Variants in PRKCE observed in about 807,000 individuals in gnomAD.
PRKCE encodes the protein protein kinase C epsilon type.
A neutral mutation model predicts 85.4 loss-of-function variants in PRKCE; 16 were observed. The ratio of observed to expected loss-of-function variants is 0.19; its 90% CI spans 0.13 to 0.28. The LOEUF (loss-of-function observed/expected upper bound fraction) is 0.28, where lower values mean the gene tolerates loss of function less well. PRKCE is among the 10% of genes least tolerant of loss of function. The pLI is 1.00. For missense variants in PRKCE, 573 were observed against 975.2 expected (o/e 0.59, Z 5.49); for synonymous variants, 388 against 371.5 (o/e 1.04, Z -0.51).
chr2:46,087,067 C>G (rs1176834606), intron 11 of PRKCE, among the ~76,000 whole-genome samples: 1 of 152,180 alleles, frequency 6.6e-6, no homozygotes, highest in East Asian at 1.9e-4. Flanking sequence ...CACAAGGATA[C>G]TCAAGTTCCT....
intron 2 of PRKCE, among the ~76,000 whole-genome samples, chr2:45,945,534 G>C (rs1161358053): frequency 1.3e-5 from 2 of 152,164 alleles, no homozygotes; most frequent in Non-Finnish European, 2.9e-5. Context: ...TTCAACATCA[G>C]ATTTGGAGAG....
At chr2:45,857,613 G>A (rs10779933) in intron 2 of PRKCE, among the ~76,000 whole-genome samples, 80,209 of 152,042 alleles carry the variant, frequency 0.53, 22,146 homozygotes, top group East Asian at 0.83. Flanking sequence ...AGGTCTTGCT[G>A]TGTTGCCCAT....
At chr2:45,890,874 G>A (rs887102903) in intron 2 of PRKCE, among the ~76,000 whole-genome samples, 1 of 152,206 alleles carries the variant, frequency 6.6e-6, no homozygotes, top group Non-Finnish European at 1.5e-5. Context: ...TGCAATGGAA[G>A]TGGATTTAGA....
chr2:45,681,982 G>A (rs1269390662), intron 1 of PRKCE, among the ~76,000 whole-genome samples: 2 of 152,094 alleles, frequency 1.3e-5, no homozygotes, highest in African/African-American at 4.8e-5. Flanking sequence ...GGTTCTCCTC[G>A]CCATTCAAAT....
chr2:45,852,056 T>G (rs1424124225), intron 2 of PRKCE: 2 of 152,380 alleles, frequency 1.3e-5, no homozygotes, highest in Admixed American at 6.5e-5. Flanking sequence ...CTGTGGCGTT[T>G]CTGATGGCAG....
At chr2:45,780,328 A>G (rs969682472) in intron 1 of PRKCE, among the ~76,000 whole-genome samples, 1 of 152,152 alleles carries the variant, frequency 6.6e-6, no homozygotes, top group Non-Finnish European at 1.5e-5. Context: ...TTTGTTGAAG[A>G]AACTAGTCAT....
chr2:45,922,203 A>T (rs574597398), intron 2 of PRKCE, among the ~76,000 whole-genome samples: 95 of 152,334 alleles, frequency 6.2e-4, no homozygotes, highest in East Asian at 1.9e-4. Flanking sequence ...GTTTGAGGTT[A>T]TCTCTGACAC....
Position 45,895,306 on chromosome 2 carries a change from C to A in PRKCE, c.412+52243C>A, listed in dbSNP as rs1269153468. 1.3e-5 allele frequency among the ~76,000 whole-genome samples: 2 copies of A among 152,164 alleles called. No homozygotes were observed. The highest frequency in any genetic ancestry group is 2.1e-4 in the South Asian group (1 of 4,822). ...ACACAGCTACGGTAACAGTACCTCT[C>A]CATCCACAGTGACTTATATGGACTT... On this transcript the variant is annotated intron_variant, in intron 2 of 14. Coordinates refer to ENST00000306156, the MANE Select transcript of PRKCE (RefSeq NM_005400.3). The surrounding 1 kb of genome is among the most constrained non-coding windows in gnomAD (Gnocchi z 4.8).
rs11435171 is a variant in PRKCE at position 45,767,039 on chromosome 2, T to TAA, written c.349-75949_349-75948dup. Among the ~76,000 whole-genome samples the TAA allele has an allele frequency of 3.1e-4, 46 of 147,202 alleles. 1 individual carries two copies. In the East Asian group the frequency reaches 6.1e-3, roughly 20 times the overall value. On this transcript the variant is annotated intron_variant, in intron 1 of 14. Coordinates refer to ENST00000306156, the MANE Select transcript of PRKCE (RefSeq NM_005400.3). The stretch of plus-strand genomic sequence containing the variant: ...CTGGGCAACAGAGTGAAACTCAGTC[T>TAA]AAAAAAAAAAAAATAAGTAACTTCC...
intron 2 of PRKCE, among the ~76,000 whole-genome samples, chr2:45,924,585 A>G (rs1016929549): frequency 2.2e-4 from 34 of 152,282 alleles, no homozygotes; most frequent in African/African-American, 8.2e-4. Context: ...CACCAGGAAA[A>G]ATGACAGGAC....
intron 1 of PRKCE, chr2:45,675,441 C>T (rs546673070): frequency 1.3e-5 from 2 of 152,328 alleles, no homozygotes; most frequent in African/African-American, 2.4e-5. Context: ...GTCATTTATA[C>T]ATAAATGCAC....
At chr2:46,018,054 C>T (rs796221903) in intron 10 of PRKCE, among the ~76,000 whole-genome samples, 1 of 152,178 alleles carries the variant, frequency 6.6e-6, no homozygotes, top group Non-Finnish European at 1.5e-5. Flanking sequence ...TTTACATGAA[C>T]TCAATGAGGC....
intron 1 of PRKCE, among the ~76,000 whole-genome samples, chr2:45,704,265 G>A (rs1029436586): frequency 1.3e-5 from 2 of 152,192 alleles, no homozygotes; most frequent in East Asian, 3.8e-4. Flanking sequence ...GGCTTAGTAT[G>A]TTGGGGTTGG....
chr2:46,120,467 G>A (rs4952800), intron 11 of PRKCE, among the ~76,000 whole-genome samples: 40,014 of 151,982 alleles, frequency 0.26, 5,413 homozygotes, highest in Middle Eastern at 0.44. Flanking sequence ...TGGAAAACCC[G>A]CTCTAGATGC....
chr2:45,792,624 G>A (rs956647876), intron 1 of PRKCE, among the ~76,000 whole-genome samples: 1 of 152,092 alleles, frequency 6.6e-6, no homozygotes, highest in Admixed American at 6.5e-5. Flanking sequence ...CTCACTAACT[G>A]TGTGACTCTG....
At chr2:45,701,317 A>G (rs1438652179) in intron 1 of PRKCE, 1 of 152,072 alleles carries the variant, frequency 6.6e-6, no homozygotes, top group Non-Finnish European at 1.5e-5. Flanking sequence ...CTCAAAGGTT[A>G]AATTGGGATG....
intron 1 of PRKCE, among the ~76,000 whole-genome samples, chr2:45,661,574 G>A (rs1363571461): frequency 7.0e-6 from 1 of 143,012 alleles, no homozygotes; most frequent in Non-Finnish European, 1.5e-5. Flanking sequence ...TGTCGCCCAG[G>A]CTGGAGTGCA....
Position 46,004,883 on chromosome 2 carries a change from G to A in PRKCE, c.1063+245G>A, listed in dbSNP as rs557353320. Among the ~76,000 whole-genome samples the A allele has an allele frequency of 6.6e-5, 10 of 152,042 alleles. No homozygotes were observed. Among genetic ancestry groups the A allele is most frequent in the Non-Finnish European group, 1.5e-4 (10 of 68,000 alleles). On this transcript the variant is annotated intron_variant, in intron 8 of 14. Transcript: ENST00000306156. The surrounding 1 kb of genome is among the most constrained non-coding windows in gnomAD (Gnocchi z 4.1). ...TTCCAGGCCAGGGTAAGAGGAGAGCGAGTGTATGATGTTATGGTTATCTGT... is the reference window on the plus strand; with the variant it reads ...TTCCAGGCCAGGGTAAGAGGAGAGCAAGTGTATGATGTTATGGTTATCTGT...
intron 10 of PRKCE, among the ~76,000 whole-genome samples, chr2:46,083,170 C>G (rs1004580902): frequency 6.6e-6 from 1 of 152,196 alleles, no homozygotes; most frequent in African/African-American, 2.4e-5. Context: ...AGGTTGATCT[C>G]GATCTCCTGG....
Sources: gnomAD v4.1 joint callset for allele counts (sites outside exome capture counted in the v4.1 genomes callset) on GRCh38, gnomAD v4.1.1 for gene constraint, Gnocchi (gnomAD v3.1) non-coding constraint, MANE v1.5 for transcripts, NCBI Gene and HGNC (gene_info 2026-07-23, HGNC 2026-07-21) for gene names.